The following ERC1 variants were observed in gnomAD, a reference collection of about 807,000 sequenced individuals.
ERC1 encodes ELKS/RAB6-interacting/CAST family member 1, also known as RAB6 interacting protein 2.
A neutral mutation model predicts 132.0 loss-of-function variants in ERC1; 56 were observed. That is an observed-to-expected ratio of 0.42 (90% CI 0.34 to 0.53). The LOEUF (loss-of-function observed/expected upper bound fraction) is 0.53, where lower values mean the gene tolerates loss of function less well. ERC1 is among the 20% of genes least tolerant of loss of function. The probability of loss-of-function intolerance (pLI) is 0.03; values close to 1 mark genes in which losing one functional copy is unlikely to be tolerated. For synonymous variants in ERC1, 478 were observed against 476.1 expected (o/e 1.00, Z -0.05); for missense variants, 1,202 against 1,349.9 (o/e 0.89, Z 1.72).
chr12:1,017,808 T>G (rs1965757356), intron 1 of ERC1, among the ~76,000 whole-genome samples: 1 of 152,012 alleles, frequency 6.6e-6, no homozygotes, highest in South Asian at 2.1e-4. Context: ...CCATCTGGTA[T>G]TTTTAAAAAA....
rs1227746266 is a variant in ERC1 at position 1,289,866 on chromosome 12, G to A, written c.2634G>A (p.Leu878=). 5 of 1,613,638 alleles carry A rather than the reference G, an allele frequency of 3.1e-6. No homozygotes were observed. The highest frequency in any genetic ancestry group is 4.2e-6 in the Non-Finnish European group (5 of 1,179,622). Residue 878 remains leucine, a synonymous_variant, in exon 15 of 19, where the codon CTG becomes CTA. Transcript: ENST00000360905. ...ATTTATGATAGGTGGAGGAGTTACT[G>A]ATGGCCATGGAGAAGGTAAAGCAGG... The part of the protein sequence containing the change: ...TNAEKQVEEL[L]MAMEKVKQEL...
intron 14 of ERC1, among the ~76,000 whole-genome samples, chr12:1,264,635 G>A (rs1226308629): frequency 1.3e-5 from 2 of 152,032 alleles, no homozygotes; most frequent in Non-Finnish European, 2.9e-5. Context: ...CTGCACTCCA[G>A]CCTGGGCGAC....
intron 14 of ERC1, among the ~76,000 whole-genome samples, chr12:1,271,956 ATAGGT>A: frequency 6.6e-6 from 1 of 152,190 alleles, no homozygotes; most frequent in African/African-American, 2.4e-5. Context: ...GGCAGAAGTG[ATAGGT>A]TAGGTACAGA....
chr12:1,431,939 A>G (rs893395178), intron 17 of ERC1, among the ~76,000 whole-genome samples: 1 of 152,174 alleles, frequency 6.6e-6, no homozygotes, highest in African/African-American at 2.4e-5. Flanking sequence ...CAGTGGTGCA[A>G]TCGCAGTTCC....
chr12:1,226,965 C>T (rs1479361479), intron 12 of ERC1, among the ~76,000 whole-genome samples: 1 of 152,258 alleles, frequency 6.6e-6, no homozygotes, highest in Non-Finnish European at 1.5e-5. Context: ...GCGTGAGCCA[C>T]TGTGCCTGGC....
At chr12:1,320,755 G>A (rs549875998) in intron 15 of ERC1, among the ~76,000 whole-genome samples, 2 of 152,184 alleles carry the variant, frequency 1.3e-5, no homozygotes, top group Non-Finnish European at 2.9e-5. Flanking sequence ...AGGCTGGAGT[G>A]CAGTGGCACG....
intron 8 of ERC1, among the ~76,000 whole-genome samples, chr12:1,154,330 T>TATAC (rs373366048): frequency 2.9e-5 from 4 of 137,474 alleles, no homozygotes; most frequent in African/African-American, 1.1e-4. Context: ...TATATATATA[T>TATAC]ACACACATAC....
intron 15 of ERC1, among the ~76,000 whole-genome samples, chr12:1,350,935 G>A (rs1481181119): frequency 6.6e-6 from 1 of 152,104 alleles, no homozygotes; most frequent in Non-Finnish European, 1.5e-5. Context: ...CACTCTCCTG[G>A]GAACTAATCT....
intron 8 of ERC1, among the ~76,000 whole-genome samples, chr12:1,165,237 C>T (rs945556992): frequency 6.6e-6 from 1 of 152,074 alleles, no homozygotes; most frequent in African/African-American, 2.4e-5. Context: ...TAACAAGAAC[C>T]AGTGTGCTTG....
At chr12:1,306,251 A>G (rs2080873461) in intron 15 of ERC1, among the ~76,000 whole-genome samples, 1 of 152,216 alleles carries the variant, frequency 6.6e-6, no homozygotes, top group South Asian at 2.1e-4. Flanking sequence ...CAGAGGGAGC[A>G]TACTGTACTA....
At chr12:1,330,663 T>A (rs918675319) in intron 15 of ERC1, among the ~76,000 whole-genome samples, 2 of 152,158 alleles carry the variant, frequency 1.3e-5, no homozygotes, top group Non-Finnish European at 2.9e-5. Context: ...TGAATTTTTA[T>A]TTTTATTCAT....
At chr12:1,170,271 T>C (rs1952908954) in intron 8 of ERC1, among the ~76,000 whole-genome samples, 2 of 152,238 alleles carry the variant, frequency 1.3e-5, no homozygotes, top group Non-Finnish European at 2.9e-5. Flanking sequence ...ATATTTAATT[T>C]GGCTAGCCTT....
At chr12:1,259,755 C>CCT (rs1455640032) in intron 13 of ERC1, among the ~76,000 whole-genome samples, 2 of 152,056 alleles carry the variant, frequency 1.3e-5, no homozygotes, top group Admixed American at 6.6e-5. Flanking sequence ...AAACTCCTGA[C>CCT]CTCGTGATCC....
chr12:996,302 CTGTGT>C (rs1960880842), intron 1 of ERC1, among the ~76,000 whole-genome samples: 1 of 123,988 alleles, frequency 8.1e-6, no homozygotes, highest in Non-Finnish European at 1.6e-5. Flanking sequence ...CAGTGTTTCA[CTGTGT>C]TAGCCAGGAT....
At chr12:1,192,176 T>C (rs930613970) in intron 12 of ERC1, among the ~76,000 whole-genome samples, 7 of 152,244 alleles carry the variant, frequency 4.6e-5, no homozygotes, top group Non-Finnish European at 8.8e-5. Flanking sequence ...AGGTGATTTA[T>C]TCTTTTACCC....
At chr12:1,489,308 T>C (rs2094291350) in intron 18 of ERC1, among the ~76,000 whole-genome samples, 1 of 152,168 alleles carries the variant, frequency 6.6e-6, no homozygotes, top group South Asian at 2.1e-4. Flanking sequence ...CACGCCTCTT[T>C]AGTAGCATTT....
chr12:1,091,489 T>C (rs1172631038), intron 3 of ERC1, among the ~76,000 whole-genome samples: 1 of 152,136 alleles, frequency 6.6e-6, no homozygotes. Flanking sequence ...AAGAATATAC[T>C]GTATAAGGGG....
chr12:1,157,031 T>C (rs1027053118), intron 8 of ERC1, among the ~76,000 whole-genome samples: 1 of 152,244 alleles, frequency 6.6e-6, no homozygotes. Context: ...AATTTAATAG[T>C]ACTTTTCTTT....
At chr12:1,353,888 T>C (rs183905361) in intron 15 of ERC1, among the ~76,000 whole-genome samples, 1 of 152,376 alleles carries the variant, frequency 6.6e-6, no homozygotes, top group Non-Finnish European at 1.5e-5. Context: ...TTCTTTATCT[T>C]GACCTGCCTG....
Sources: allele counts gnomAD v4.1 joint callset (sites outside exome capture counted in the v4.1 genomes callset), GRCh38; gene constraint gnomAD v4.1.1; transcripts MANE v1.5; gene names NCBI Gene and HGNC (gene_info 2026-07-23, HGNC 2026-07-21).